The following PRH1 variants were observed in gnomAD, a reference collection of about 807,000 sequenced individuals.
The protein encoded by PRH1 is proline rich protein HaeIII subfamily 1, also known as salivary acidic proline-rich phosphoprotein 1/2.
PRH1 carries 7 observed loss-of-function variants against 7.9 expected under a neutral mutation model. The observed-to-expected ratio is 0.89, with a 90% CI of 0.50 to 1.67. The LOEUF is 1.67. PRH1 is among the 40% of genes most tolerant of loss of function. The pLI is 0.00. For missense variants in PRH1, 109 were observed against 223.6 expected, an observed-to-expected ratio of 0.49 and a Z score of 3.27; for synonymous variants, 45 against 80.8, an observed-to-expected ratio of 0.56 and a Z score of 2.38.
chr12:11,100,198 C>T (rs2597975), intron 1 of PRH1, among the ~76,000 whole-genome samples: 113,349 of 152,060 alleles, frequency 0.75, 44,751 homozygotes, highest in East Asian at 0.96. Context: ...TACCGGAATG[C>T]ATCATAAACA....
In PRH1 at chr12:11,077,081, T is replaced by C. The variant is rs1340223377; in HGVS notation, n.124-29893A>G. On this transcript the variant is annotated intron_variant and non_coding_transcript_variant, in intron 1 of 4. Coordinates refer to the PRH1 transcript ENST00000541977. ...TATTATACAATGAACTATAAGAAAA[T>C]ATACATACATTGTATATGTGAAATA... is the stretch of plus-strand genomic sequence containing the variant. 2 of 115,338 alleles carry C rather than the reference T, an allele frequency of 1.7e-5. 1 individual carries two copies. The highest frequency in any genetic ancestry group is 4.1e-5 in the Non-Finnish European group (2 of 48,690). 7.1% of individuals were successfully genotyped at this position (115,338 alleles called of 1,614,324 possible).
rs535930410 is a variant in PRH1 at position 10,947,794 on chromosome 12, CT to C, written c.-59+25860del. 4.5e-4 allele frequency among the ~76,000 whole-genome samples: 68 copies of C among 152,162 alleles called. 1 individual carries two copies. The South Asian group carries it at 0.014, about 31-fold the overall frequency. ...GTGTTCTTTTCTATACTAAGTGCCG[CT>C]TTCAAGATCTCTTGTAAGGCAGTTC... On this transcript the variant is annotated intron_variant, in intron 2 of 3. Transcript: ENST00000539853.
intron 3 of PRH1, 58 bp downstream of exon 3, chr12:10,882,159 T>C (rs1203527149): frequency 4.4e-6 from 7 of 1,601,040 alleles, no homozygotes; most frequent in African/African-American, 1.3e-5. Context: ...ATTGGCACAA[T>C]GAAGTTGGAG....
chr12:10,950,195 A>G (rs1950547883), intron 2 of PRH1, among the ~76,000 whole-genome samples: 1 of 152,148 alleles, frequency 6.6e-6, no homozygotes, highest in African/African-American at 2.4e-5. Flanking sequence ...TTGAGCTATT[A>G]AAACACAGTG....
At chr12:10,983,197 C>G (rs1255098901) in intron 1 of PRH1, among the ~76,000 whole-genome samples, 3 of 152,202 alleles carry the variant, frequency 2.0e-5, no homozygotes, top group Non-Finnish European at 4.4e-5. Flanking sequence ...TAGTGGAAGA[C>G]TATTCCTTCT....
At chr12:11,106,965 G>A (rs1026992723) in intron 1 of PRH1, among the ~76,000 whole-genome samples, 2 of 152,064 alleles carry the variant, frequency 1.3e-5, no homozygotes, top group Non-Finnish European at 2.9e-5. Flanking sequence ...TTGTATGATC[G>A]TGTGTTACTT....
intron 2 of PRH1, among the ~76,000 whole-genome samples, chr12:10,958,579 A>C (rs763840682): frequency 3.3e-5 from 5 of 152,178 alleles, no homozygotes. Flanking sequence ...AGAAAAAAAA[A>C]CTGCAAAGTG....
chr12:10,983,951 A>G (rs552315108), intron 1 of PRH1, among the ~76,000 whole-genome samples: 1 of 152,128 alleles, frequency 6.6e-6, no homozygotes, highest in Non-Finnish European at 1.5e-5. Context: ...AGGCTAAGAT[A>G]CTCGTTTAGT....
chr12:11,001,945 G>A (rs1940615574), intron 1 of PRH1, among the ~76,000 whole-genome samples: 1 of 151,976 alleles, frequency 6.6e-6, no homozygotes, highest in Non-Finnish European at 1.5e-5. Context: ...ATCATGAAGT[G>A]GCTTATTTAT....
At chr12:10,930,263 TTCTAGATG>T (rs1950184666) in intron 2 of PRH1, 1 of 1,612,786 alleles carries the variant, frequency 6.2e-7, no homozygotes, top group Admixed American at 1.7e-5. Context: ...TGTACTTCTT[TTCTAGATG>T]TCAGCCAAGA....
At chr12:10,905,615 G>A (rs1162160924) in intron 2 of PRH1, among the ~76,000 whole-genome samples, 1 of 151,872 alleles carries the variant, frequency 6.6e-6, no homozygotes, top group East Asian at 1.9e-4. Context: ...GCAGTGAGCT[G>A]AGATCATGTC....
chr12:10,905,318 T>G (rs1473952389), intron 2 of PRH1, among the ~76,000 whole-genome samples: 2 of 151,978 alleles, frequency 1.3e-5, no homozygotes, highest in Non-Finnish European at 2.9e-5. Context: ...CACAATTTCA[T>G]TGGAACACTA....
intron 2 of PRH1, among the ~76,000 whole-genome samples, chr12:10,953,640 G>A (rs1264216243): frequency 6.6e-6 from 1 of 152,052 alleles, no homozygotes. Context: ...TGACTCATTG[G>A]CATCCATGAA....
chr12:10,964,535 G>T, intron 2 of PRH1: 1 of 276,676 alleles, frequency 3.6e-6, no homozygotes, highest in Non-Finnish European at 7.4e-6. Flanking sequence ...ATGAAATGAA[G>T]GGTATATAAT....
At chr12:11,083,944 T>TGTGCCAAC (rs1944587633) in intron 1 of PRH1, among the ~76,000 whole-genome samples, 3 of 102,234 alleles carry the variant, frequency 2.9e-5, no homozygotes, top group Admixed American at 1.0e-4. Context: ...GCTGGGACAA[T>TGTGCCAAC]TAAGTTCCCT....
At chr12:10,923,577 G>A (rs1950082230) in intron 2 of PRH1, among the ~76,000 whole-genome samples, 1 of 152,176 alleles carries the variant, frequency 6.6e-6, no homozygotes, top group African/African-American at 2.4e-5. Flanking sequence ...ATGTGGAAGA[G>A]CATCTATCTT....
intron 1 of PRH1, among the ~76,000 whole-genome samples, chr12:11,099,891 A>T (rs1945184257): frequency 1.3e-5 from 2 of 152,178 alleles, no homozygotes; most frequent in Admixed American, 1.3e-4. Context: ...TAGATGGGGA[A>T]TGGCAAAGGT....
intron 1 of PRH1, among the ~76,000 whole-genome samples, chr12:11,058,421 T>G (rs138432187): frequency 0.015 from 2,304 of 152,368 alleles, 3 homozygotes; most frequent in South Asian, 0.03. Flanking sequence ...GTCAAAACAA[T>G]CTTTTTTAAA....
At chr12:11,101,258 C>A (rs1425515614) in intron 1 of PRH1, among the ~76,000 whole-genome samples, 1 of 152,156 alleles carries the variant, frequency 6.6e-6, no homozygotes, top group African/African-American at 2.4e-5. Context: ...GAGGCTGAGG[C>A]AGGTGGATTG....
Sources: gnomAD v4.1 joint callset for allele counts (sites outside exome capture counted in the v4.1 genomes callset) on GRCh38, gnomAD v4.1.1 for gene constraint, MANE v1.5 for transcripts, NCBI Gene and HGNC (gene_info 2026-07-23, HGNC 2026-07-21) for gene names.